PPAT: variants seen among roughly 807,000 people sequenced by gnomAD.
PPAT encodes the protein phosphoribosyl pyrophosphate amidotransferase.
A neutral mutation model predicts 60.2 loss-of-function variants in PPAT; 20 were observed. That is an observed-to-expected ratio of 0.33 (90% CI 0.23 to 0.48). The LOEUF is 0.48. Ranked by LOEUF, PPAT falls within the 20% of genes least tolerant of loss-of-function variation. The pLI, the probability that PPAT is intolerant of heterozygous loss-of-function variation, is 0.99. For missense variants in PPAT, 349 were observed against 629.6 expected, an observed-to-expected ratio of 0.55 and a Z score of 4.77; for synonymous variants, 194 against 215.1, an observed-to-expected ratio of 0.90 and a Z score of 0.86.
intron 1 of PPAT, chr4:56,421,873 C>T (rs898259704): frequency 6.6e-6 from 1 of 152,016 alleles, no homozygotes; most frequent in African/African-American, 2.4e-5. Context: ...AGATACATAC[C>T]CAATATCTAT....
Position 56,403,052 on chromosome 4 carries a change from T to TA in PPAT, c.648dup (p.Ile217TyrfsTer3). The TA allele has an allele frequency of 6.2e-7, 1 of 1,607,140 alleles. No homozygotes were observed. The highest frequency in any genetic ancestry group is 8.5e-7 in the Non-Finnish European group (1 of 1,177,380). ...TAAAGTTTATTACCTTTGTCATTTA[T>TA]ATCAGACACTGGAATAAGACGACCA... On this transcript the variant is annotated frameshift_variant, in exon 5 of 11. Transcript: ENST00000264220. LOFTEE classifies it high-confidence loss of function.
At chr4:56,425,045 G>A (rs1717219876) in intron 1 of PPAT, among the ~76,000 whole-genome samples, 1 of 152,106 alleles carries the variant, frequency 6.6e-6, no homozygotes, top group Non-Finnish European at 1.5e-5. Context: ...AATAACCCTA[G>A]AAATGCCCAT....
intron 1 of PPAT, chr4:56,429,054 G>T (rs1717440071): frequency 3.9e-6 from 2 of 518,286 alleles, no homozygotes; most frequent in Non-Finnish European, 5.0e-6. Context: ...GAAACAACTT[G>T]TTGCTTTTTC....
intron 1 of PPAT, among the ~76,000 whole-genome samples, chr4:56,424,059 A>G (rs1717173785): frequency 6.6e-6 from 1 of 152,192 alleles, no homozygotes; most frequent in Non-Finnish European, 1.5e-5. Flanking sequence ...AGGTCACTTC[A>G]TTTTTATTTT....
intron 1 of PPAT, chr4:56,410,753 G>C: frequency 1.0e-6 from 1 of 987,160 alleles, no homozygotes; most frequent in Non-Finnish European, 1.2e-6. Context: ...CCATAACTCT[G>C]GAGACAGCTC....
chr4:56,427,314 C>T (rs949528079), intron 1 of PPAT, among the ~76,000 whole-genome samples: 1 of 152,110 alleles, frequency 6.6e-6, no homozygotes, highest in African/African-American at 2.4e-5. Flanking sequence ...TGTTTTTCCA[C>T]AGCATGTATA....
chr4:56,420,543 G>GTATACTAA (rs1237445910), intron 1 of PPAT: 1 of 152,150 alleles, frequency 6.6e-6, no homozygotes, highest in Non-Finnish European at 1.5e-5. Flanking sequence ...GTATACATTT[G>GTATACTAA]ATCTTCCCCA....
chr4:56,396,012 CAT>C lies in PPAT; in HGVS notation c.1358-466_1358-465del, dbSNP rs796323339. On this transcript the variant is annotated intron_variant, in intron 10 of 10. Transcript: ENST00000264220. This position sits in a 1 kb window ranked among gnomAD's most constrained non-coding sequence, Gnocchi z 4.6. ...TCTGGCAAAGTGTGAGTGCTTATAA[CAT>C]GTATGACACCCATCAGGGTGATATT... is the stretch of plus-strand genomic sequence containing the variant. Among the ~76,000 whole-genome samples the C allele has an allele frequency of 1.8e-4, 28 of 152,210 alleles. No homozygotes were observed. The highest frequency in any genetic ancestry group is 6.3e-4 in the African/African-American group (26 of 41,530).
intron 1 of PPAT, among the ~76,000 whole-genome samples, chr4:56,413,311 T>G (rs752460617): frequency 6.6e-6 from 1 of 152,128 alleles, no homozygotes; most frequent in African/African-American, 2.4e-5. Flanking sequence ...AACGCCACCA[T>G]GCCCAGCTAG....
chr4:56,424,066 T>A (rs1717174189), intron 1 of PPAT, among the ~76,000 whole-genome samples: 1 of 152,236 alleles, frequency 6.6e-6, no homozygotes, highest in Non-Finnish European at 1.5e-5. Flanking sequence ...TTCATTTTTA[T>A]TTTTTGTATT....
At chr4:56,404,106 G>T in intron 3 of PPAT, 1 of 381,424 alleles carries the variant, frequency 2.6e-6, no homozygotes. Context: ...CATGGCTGGA[G>T]GCAATAGGAA....
chr4:56,424,940 G>T (rs1484891813), intron 1 of PPAT, among the ~76,000 whole-genome samples: 1 of 152,190 alleles, frequency 6.6e-6, no homozygotes, highest in African/African-American at 2.4e-5. Flanking sequence ...AATAAGCATA[G>T]AAGTTTCATG....
Position 56,396,511 on chromosome 4 carries a change from C to T in PPAT, c.1357+108G>A. 9.0e-7 allele frequency: 1 copy of T among 1,115,398 alleles called. No individual in the cohort carries two copies. The highest frequency in any genetic ancestry group is 1.3e-6 in the Non-Finnish European group (1 of 790,752). The allele number at this position is 1,115,398 out of a possible 1,614,324, so 69.1% of individuals were successfully genotyped here. On this transcript the variant is annotated intron_variant, in intron 10 of 10. Transcript: ENST00000264220. The surrounding 1 kb of genome is among the most constrained non-coding windows in gnomAD (Gnocchi z 4.6). ...TTCAATATCTGTTTAACATATATAA[C>T]TACTTTTAACAAACACTGAATACTC...
intron 10 of PPAT, 142 bp from the exon 11 acceptor site, chr4:56,395,690 GAAAA>G (rs1036369993): frequency 5.8e-6 from 3 of 519,180 alleles, no homozygotes; most frequent in African/African-American, 2.1e-5. Context: ...AAAAAAAAAG[GAAAA>G]AAAATCAATA....
At chr4:56,434,629 G>C (rs983209119) in intron 1 of PPAT, among the ~76,000 whole-genome samples, 44 of 152,290 alleles carry the variant, frequency 2.9e-4, no homozygotes, top group African/African-American at 1.0e-3. Flanking sequence ...TTTTGAAGAA[G>C]GGAGTTAATT....
At chr4:56,406,767 C>T (rs1462976051) in intron 2 of PPAT, 66 bp from the exon 3 acceptor site, 1 of 1,097,104 alleles carries the variant, frequency 9.1e-7, no homozygotes, top group African/African-American at 1.6e-5. Context: ...AAACGCCTCT[C>T]TTCTCTGCCC....
chr4:56,416,834 AG>A (rs113775696), intron 1 of PPAT, among the ~76,000 whole-genome samples: 163 of 152,248 alleles, frequency 1.1e-3, no homozygotes, highest in African/African-American at 3.8e-3. Context: ...AATTAAATTC[AG>A]TGTAAATCCT....
intron 1 of PPAT, chr4:56,422,618 A>G (rs1717098500): frequency 6.6e-6 from 1 of 151,920 alleles, no homozygotes; most frequent in Non-Finnish European, 1.5e-5. Context: ...CCCCAATGTG[A>G]TGTATTTGGA....
chr4:56,395,450 T>C lies in PPAT; in HGVS notation c.1456A>G (p.Met486Val). Residue 486 changes from methionine to valine, a missense_variant, in exon 11 of 11, where the codon ATG becomes GTG. Coordinates refer to ENST00000264220, the MANE Select transcript of PPAT (RefSeq NM_002703.5). ...AGACCATTTCCATTTTCTTGGATCA[T>C]AATATCGTGCTTTTTCTCTTTCTGT... ...KKQKEKKHDI[M>V]IQENGNGLEC... The C allele has an allele frequency of 6.2e-7, 1 of 1,612,122 alleles. No individual in the cohort carries two copies. The highest frequency in any genetic ancestry group is 1.1e-5 in the South Asian group (1 of 90,848).
Sources: gnomAD v4.1 joint callset for allele counts (sites outside exome capture counted in the v4.1 genomes callset) on GRCh38, gnomAD v4.1.1 for gene constraint, Gnocchi (gnomAD v3.1) non-coding constraint, MANE v1.5 for transcripts, NCBI Gene and HGNC (gene_info 2026-07-23, HGNC 2026-07-21) for gene names.